Variants in PC observed in about 807,000 individuals in gnomAD.
PC encodes the protein pyruvate carboxylase.
A neutral mutation model predicts 107.8 loss-of-function variants in PC; 46 were observed. The ratio of observed to expected loss-of-function variants is 0.43; its 90% CI spans 0.34 to 0.55. PC has a LOEUF of 0.55. PC is among the 20% of genes least tolerant of loss of function. The pLI is 0.04. For synonymous variants in PC, 662 were observed against 684.7 expected (o/e 0.97, Z 0.52); for missense variants, 1,241 against 1,643.1 (o/e 0.76, Z 4.23).
intron 3 of PC, among the ~76,000 whole-genome samples, chr11:66,876,571 A>G (rs1425765798): frequency 6.6e-6 from 1 of 152,226 alleles, no homozygotes; most frequent in Non-Finnish European, 1.5e-5. Context: ...TCAGGTGTGG[A>G]GACACCCTGC....
chr11:66,871,680 G>A lies in PC; in HGVS notation c.321+7C>T. ...CTGTCCAGGCCCAGCCAGGCCACTGGGCTCACCTTGGCCACCTTGATGATG... is the reference window on the plus strand; with the variant it reads ...CTGTCCAGGCCCAGCCAGGCCACTGAGCTCACCTTGGCCACCTTGATGATG... On this transcript the variant is annotated splice_region_variant and intron_variant, in intron 5 of 22. Transcript: ENST00000393960. The surrounding 1 kb of genome is among the most constrained non-coding windows in gnomAD (Gnocchi z 7.4). 6.4e-7 allele frequency: 1 copy of A among 1,564,240 alleles called. No homozygotes were observed. The highest frequency in any genetic ancestry group is 1.7e-4 in the Middle Eastern group (1 of 5,946).
At chr11:66,879,108 G>A (rs145376104) in intron 3 of PC, among the ~76,000 whole-genome samples, 2 of 152,242 alleles carry the variant, frequency 1.3e-5, no homozygotes, top group East Asian at 1.9e-4. Flanking sequence ...CAGGGAGGAA[G>A]CCCCCGGCCC....
intron 3 of PC, among the ~76,000 whole-genome samples, chr11:66,906,971 T>A (rs1270089997): frequency 6.6e-6 from 1 of 152,160 alleles, no homozygotes; most frequent in Non-Finnish European, 1.5e-5. Flanking sequence ...TTTCCCAGAT[T>A]CCTAAAGGAA....
intron 12 of PC, chr11:66,860,313 C>T: frequency 2.8e-6 from 4 of 1,409,472 alleles, no homozygotes; most frequent in African/African-American, 2.8e-5. Context: ...TCAGGCTCCC[C>T]TGTGTACTTG....
At chr11:66,859,970 T>C (rs1296649530) in intron 12 of PC, 7 of 1,601,352 alleles carry the variant, frequency 4.4e-6, no homozygotes, top group African/African-American at 2.7e-5. Flanking sequence ...CCCAGACCAA[T>C]GGAGGCCCCA....
At chr11:66,898,964 G>A (rs1336101434) in intron 3 of PC, among the ~76,000 whole-genome samples, 5 of 152,060 alleles carry the variant, frequency 3.3e-5, no homozygotes, top group African/African-American at 4.8e-5. Flanking sequence ...TCTGCCTCCC[G>A]GGTTCAAGCG....
At position 66,851,179 on chromosome 11, in the gene PC, C is replaced by T; in HGVS notation, c.2084G>A (p.Ser695Asn). ...GGCAGCCTCCACCACGCCTCCGGCACTTCCTGCCGCCTCCATGCCCAGCAG... is the reference window on the plus strand; with the variant it reads ...GGCAGCCTCCACCACGCCTCCGGCATTTCCTGCCGCCTCCATGCCCAGCAG... The part of the protein sequence containing the change: ...NMLLGMEAAG[S>N]AGGVVEAAIS... The change falls in exon 17 of 23, where the codon AGT becomes AAT. Residue 695 changes from serine to asparagine, a missense_variant. Ser to Asn is a conservative substitution (Grantham distance 46). Transcript: ENST00000393960. The T allele has an allele frequency of 3.1e-6, 5 of 1,611,504 alleles. No individual in the cohort carries two copies. The highest frequency in any genetic ancestry group is 4.2e-6 in the Non-Finnish European group (5 of 1,180,010).
rs778396577 is a variant in PC at position 66,866,193 on chromosome 11, G to A, written c.1179C>T (p.Arg393=). 6.2e-7 allele frequency: 1 copy of A among 1,608,424 alleles called. No homozygotes were observed. The highest frequency in any genetic ancestry group is 1.7e-5 in the Admixed American group (1 of 59,978). Residue 393 remains arginine (R), a synonymous_variant, in exon 11 of 23, where the codon CGC becomes CGT. Transcript: ENST00000393960. This position sits in a 1 kb window ranked among gnomAD's most constrained non-coding sequence, Gnocchi z 5.4. ...CTGCTCGAGCTCCGCCCACCTCAAT[G>A]CGGCCGGTGTCCGGCTGGAAGCTGC... ...PARSFQPDTG[R]IEVFRSGEGM...
At chr11:66,953,422 A>AT (rs780187860) in intron 2 of PC, among the ~76,000 whole-genome samples, 1 of 152,202 alleles carries the variant, frequency 6.6e-6, no homozygotes, top group Non-Finnish European at 1.5e-5. Flanking sequence ...CCTCTCTGCC[A>AT]TAAGTAAGAG....
intron 3 of PC, among the ~76,000 whole-genome samples, chr11:66,941,503 T>C (rs1949128400): frequency 6.6e-6 from 1 of 152,140 alleles, no homozygotes; most frequent in Non-Finnish European, 1.5e-5. Flanking sequence ...GCCTTTTCTT[T>C]TTTTTTGAGG....
Position 66,848,795 on chromosome 11 carries a change from G to A in PC, c.*104C>T, listed in dbSNP as rs1945294969. ...TCCAGCTGTGGACAGGACCTCCACG[G>A]CCCGGCCTTCCTGGCCTCGGGCACT... On this transcript the variant is annotated 3_prime_UTR_variant, in exon 23 of 23. Transcript: ENST00000393960. The A allele has an allele frequency of 4.1e-6, 6 of 1,469,156 alleles. No individual in the cohort carries two copies. The East Asian group carries it at 6.9e-5, about 17-fold the overall frequency. 91.0% of individuals were successfully genotyped at this position (1,469,156 alleles called of 1,614,324 possible).
At chr11:66,877,341 G>A (rs545141643) in intron 3 of PC, among the ~76,000 whole-genome samples, 11 of 152,256 alleles carry the variant, frequency 7.2e-5, no homozygotes, top group South Asian at 2.1e-4. Context: ...AGCCGAGATC[G>A]CGCCATTGCA....
rs575834455 is a variant in PC at position 66,860,002 on chromosome 11, C to T, written c.1368+3772G>A. On this transcript the variant is annotated intron_variant, in intron 12 of 22. Coordinates refer to ENST00000393960, the MANE Select transcript of PC (RefSeq NM_001040716.2). ...CCCAGCCCCACACCCAAGGCCCACC[C>T]GCCGCGGAGCCCCCCGCCCCGGCCG... 7.2e-5 allele frequency: 115 copies of T among 1,593,450 alleles called. No individual in the cohort carries two copies. In the African/African-American group the frequency reaches 9.7e-4, roughly 13 times the overall value.
Position 66,890,897 on chromosome 11 carries a change from A to G in PC, c.1-18738T>C, listed in dbSNP as rs777811325. On this transcript the variant is annotated intron_variant, in intron 3 of 22. Coordinates refer to ENST00000393960, the MANE Select transcript of PC (RefSeq NM_001040716.2). ...GCTGGGCGACAGGTACATAGAGTTCATTATACTATTTGCTCTATTTTTGTG... is the reference window on the plus strand; with the variant it reads ...GCTGGGCGACAGGTACATAGAGTTCGTTATACTATTTGCTCTATTTTTGTG... Among the ~76,000 whole-genome samples the G allele has an allele frequency of 1.2e-3, 183 of 152,242 alleles. 1 individual carries two copies. Among genetic ancestry groups the G allele is most frequent in the Non-Finnish European group, 2.3e-3 (156 of 68,034 alleles).
At chr11:66,849,466 T>G in intron 21 of PC, 96 bp from the exon 22 acceptor site, 1 of 1,602,612 alleles carries the variant, frequency 6.2e-7, no homozygotes, top group Non-Finnish European at 8.5e-7. Context: ...GGGCCTTGGC[T>G]CCTCGTTCCT....
At chr11:66,867,503 G>A (rs1324775669) in intron 10 of PC, among the ~76,000 whole-genome samples, 1 of 152,218 alleles carries the variant, frequency 6.6e-6, no homozygotes, top group Non-Finnish European at 1.5e-5. Context: ...CCACTTCGCA[G>A]CAGAGATGAC....
At chr11:66,928,669 G>A (rs1222024957) in intron 3 of PC, among the ~76,000 whole-genome samples, 1 of 152,220 alleles carries the variant, frequency 6.6e-6, no homozygotes, top group East Asian at 1.9e-4. Context: ...GGGATTACAA[G>A]CATGTGTAAC....
intron 3 of PC, among the ~76,000 whole-genome samples, chr11:66,948,580 C>G (rs1949361565): frequency 6.6e-6 from 1 of 152,218 alleles, no homozygotes; most frequent in African/African-American, 2.4e-5. Context: ...TGTATCACGC[C>G]TGTAATCCCA....
rs879319004 is a variant in PC at position 66,852,157 on chromosome 11, C to T, written c.1826-211G>A. ...AGGCTCATTTGTGTCCCTTCTATGC[C>T]CCCTTTATAATCCCATCTTCTCCTC... On this transcript the variant is annotated intron_variant, in intron 15 of 22. Transcript: ENST00000393960. The surrounding 1 kb of genome is among the most constrained non-coding windows in gnomAD (Gnocchi z 4.7). Among the ~76,000 whole-genome samples the T allele has an allele frequency of 1.3e-5, 2 of 152,184 alleles. No homozygotes were observed. Among genetic ancestry groups the T allele is most frequent in the Non-Finnish European group, 2.9e-5 (2 of 68,032 alleles).
Sources: gnomAD v4.1 joint callset for allele counts (sites outside exome capture counted in the v4.1 genomes callset) on GRCh38, gnomAD v4.1.1 for gene constraint, Gnocchi (gnomAD v3.1) non-coding constraint, MANE v1.5 for transcripts, NCBI Gene and HGNC (gene_info 2026-07-23, HGNC 2026-07-21) for gene names.